Variants in YIPF4 observed in about 807,000 individuals in gnomAD.
YIPF4 encodes Yip1 domain family member 4, also known as protein YIPF4.
Under a neutral mutation model 29.4 loss-of-function variants are expected in YIPF4, and 18 were observed. That is an observed-to-expected ratio of 0.61 (90% CI 0.42 to 0.91). The LOEUF is 0.91. Among genes scored for constraint, YIPF4 ranks in the 40% least tolerant of loss-of-function variants. The pLI is 0.00. For missense variants in YIPF4, 279 were observed against 282.7 expected, an observed-to-expected ratio of 0.99 and a Z score of 0.09; for synonymous variants, 115 against 104.7, an observed-to-expected ratio of 1.10 and a Z score of -0.60.
chr2:32,291,301 G>A (rs528404479), intron 2 of YIPF4, among the ~76,000 whole-genome samples: 3 of 152,338 alleles, frequency 2.0e-5, no homozygotes, highest in African/African-American at 4.8e-5. Flanking sequence ...TTGGGAGGCC[G>A]AGGTGGGCGA....
chr2:32,299,294 C>T (rs1209434878), intron 4 of YIPF4, among the ~76,000 whole-genome samples: 1 of 151,996 alleles, frequency 6.6e-6, no homozygotes, highest in African/African-American at 2.4e-5. Context: ...CCATATTTTC[C>T]AAAACAAAAG....
rs35334643 is a variant in YIPF4 at position 32,312,487 on chromosome 2, C to CAAAAAAAAAAAAAAAAAAA, written c.*6875_*6893dup. 3 of 37,378 alleles carry CAAAAAAAAAAAAAAAAAAA rather than the reference C, an allele frequency of 8.0e-5. No individual in the cohort carries two copies. The highest frequency in any genetic ancestry group is 2.6e-4 in the African/African-American group (2 of 7,618). The allele number at this position is 37,378 out of a possible 1,614,324, so 2.3% of individuals were successfully genotyped here. ...TGGGCGACAGAGCGAGAATCCGTCT[C>CAAAAAAAAAAAAAAAAAAA]AAAAAAAAAAAAAAAAAAAAAAAAA... On this transcript the variant is annotated 3_prime_UTR_variant, in exon 6 of 6. Coordinates refer to ENST00000238831, the MANE Select transcript of YIPF4 (RefSeq NM_032312.4).
chr2:32,293,945 ACC>A (rs1340912917), intron 3 of YIPF4, among the ~76,000 whole-genome samples: 1 of 115,296 alleles, frequency 8.7e-6, no homozygotes, highest in African/African-American at 3.4e-5. Context: ...CGGGGGGCTG[ACC>A]CCCCCAACCT....
chr2:32,278,812 G>C (rs906035960), intron 1 of YIPF4, among the ~76,000 whole-genome samples: 4 of 152,084 alleles, frequency 2.6e-5, no homozygotes, highest in Admixed American at 2.6e-4. Context: ...TGGAAGTTTA[G>C]TGTAAACCAA....
intron 1 of YIPF4, among the ~76,000 whole-genome samples, chr2:32,285,366 A>G (rs995618541): frequency 1.3e-5 from 2 of 152,202 alleles, no homozygotes; most frequent in South Asian, 2.1e-4. Context: ...AATGTTGACA[A>G]TAGGTTATAT....
rs1312432130 is a variant in YIPF4, at chr2:32,301,461, T to C, written c.563T>C (p.Val188Ala). 6.2e-7 allele frequency: 1 copy of C among 1,613,038 alleles called. No homozygotes were observed. Among genetic ancestry groups the C allele is most frequent in the Non-Finnish European group, 8.5e-7 (1 of 1,179,218 alleles). ...LIVIAPVLLV[V>A]GSFEVVSTLI... ...GTAATAGCCCCTGTACTTTTGGTGG[T>C]TGGATCATTTGAAGTGGTGTCTACA... Residue 188 changes from valine (V) to alanine (A), a missense_variant, in exon 5 of 6, where the codon GTT becomes GCT. Coordinates refer to ENST00000238831, the MANE Select transcript of YIPF4 (RefSeq NM_032312.4).
chr2:32,298,067 A>G (rs1448320412), intron 3 of YIPF4, among the ~76,000 whole-genome samples, 167 bp from the exon 4 acceptor site: 1 of 152,160 alleles, frequency 6.6e-6, no homozygotes, highest in Non-Finnish European at 1.5e-5. Context: ...TGTATTACAC[A>G]TTGTATTCTT....
intron 3 of YIPF4, among the ~76,000 whole-genome samples, chr2:32,294,246 C>T (rs1294103984): frequency 7.9e-5 from 12 of 151,414 alleles, no homozygotes; most frequent in Admixed American, 3.9e-4. Flanking sequence ...GGCTGCTGGG[C>T]GGAGGGGCTC....
chr2:32,305,408 C>T (rs1013857828), intron 5 of YIPF4, 81 bp from the exon 6 acceptor site: 12 of 1,359,726 alleles, frequency 8.8e-6, no homozygotes, highest in Admixed American at 2.9e-5. Context: ...ATATTGTAAA[C>T]ACCATTTTTA....
chr2:32,296,555 C>G (rs1352449656), intron 3 of YIPF4, among the ~76,000 whole-genome samples: 1 of 151,498 alleles, frequency 6.6e-6, no homozygotes, highest in Non-Finnish European at 1.5e-5. Context: ...TTGATGTTTT[C>G]TCATGATTTG....
At chr2:32,299,242 C>T (rs2031307528) in intron 4 of YIPF4, among the ~76,000 whole-genome samples, 1 of 152,088 alleles carries the variant, frequency 6.6e-6, no homozygotes, top group Admixed American at 6.6e-5. Flanking sequence ...AACAATAAAC[C>T]AACTACATTT....
Position 32,292,329 on chromosome 2 carries a change from C to T in YIPF4, c.386C>T (p.Ser129Leu). ...GTTGTTCTTTTCTTTTCCATGATAT[C>T]ATTATATGGACAGTTTAGGGTAAGT... is the stretch of plus-strand genomic sequence containing the variant. Reference protein sequence around the residue: ...LAVVLFFSMISLYGQFRVVSW... With the variant: ...LAVVLFFSMILLYGQFRVVSW... Residue 129 changes from serine (S) to leucine (L), a missense_variant, in exon 3 of 6, where the codon TCA becomes TTA. By Grantham distance (145) the Ser-to-Leu change is moderately radical (BLOSUM62 -2). Coordinates refer to ENST00000238831, the MANE Select transcript of YIPF4 (RefSeq NM_032312.4). 6.3e-7 allele frequency: 1 copy of T among 1,596,024 alleles called. No homozygotes were observed.
chr2:32,282,427 C>A (rs1238817743), intron 1 of YIPF4, among the ~76,000 whole-genome samples: 2 of 152,302 alleles, frequency 1.3e-5, no homozygotes, highest in African/African-American at 2.4e-5. Flanking sequence ...AAGCTACTTA[C>A]CTTTTTTGTT....
chr2:32,294,784 A>G (rs1189400683), intron 3 of YIPF4, among the ~76,000 whole-genome samples: 2 of 152,234 alleles, frequency 1.3e-5, no homozygotes, highest in African/African-American at 4.8e-5. Context: ...ACCATTGAGC[A>G]CTGAGTGAAC....
At chr2:32,279,607 C>T (rs1428048998) in intron 1 of YIPF4, among the ~76,000 whole-genome samples, 1 of 146,528 alleles carries the variant, frequency 6.8e-6, no homozygotes. Flanking sequence ...GACGGGGTTT[C>T]ATAGTGTTAG....
intron 1 of YIPF4, among the ~76,000 whole-genome samples, chr2:32,281,062 A>G (rs1226089544): frequency 1.3e-5 from 2 of 152,162 alleles, no homozygotes; most frequent in Non-Finnish European, 2.9e-5. Flanking sequence ...TCCACATACT[A>G]AGAAACCTGA....
chr2:32,286,634 C>T (rs774999761), intron 1 of YIPF4, among the ~76,000 whole-genome samples: 1 of 152,058 alleles, frequency 6.6e-6, no homozygotes, highest in African/African-American at 2.4e-5. Flanking sequence ...CAACCTCCAC[C>T]TCCCGGGCTC....
rs772849063 is a variant in YIPF4 at position 32,277,907 on chromosome 2, A to G, written c.-249A>G. The G allele has an allele frequency of 7.1e-5, 35 of 491,776 alleles. 1 individual carries two copies. Among genetic ancestry groups the G allele is most frequent in the Non-Finnish European group, 1.0e-4 (28 of 279,400 alleles). 30.5% of individuals were successfully genotyped at this position (491,776 alleles called of 1,614,324 possible). ...AAGAGCCAATCCCAGCGCCGCTGTC[A>G]CTGTTATGGTCCTGTCAGGGTGCCG... On this transcript the variant is annotated 5_prime_UTR_variant, in exon 1 of 6. Coordinates refer to ENST00000238831, the MANE Select transcript of YIPF4 (RefSeq NM_032312.4).
Position 32,315,236 on chromosome 2 carries a change from C to T in YIPF4, c.*9610C>T, listed in dbSNP as rs905833004. On this transcript the variant is annotated 3_prime_UTR_variant, in exon 6 of 6. Transcript: ENST00000238831. ...AATGGAGCATGTCAGTCAAAGGTGT[C>T]CTTATTTAAAATCTCTGGAAGCCCC... The T allele has an allele frequency of 2.0e-5, 3 of 152,138 alleles. No homozygotes were observed. The highest frequency in any genetic ancestry group is 2.9e-5 in the Non-Finnish European group (2 of 68,024). 9.4% of individuals were successfully genotyped at this position (152,138 alleles called of 1,614,324 possible). A position where few individuals can be genotyped will look rare whatever the true frequency, so the allele number is the denominator to read the frequency against.
Sources: allele counts gnomAD v4.1 joint callset (sites outside exome capture counted in the v4.1 genomes callset), GRCh38; gene constraint gnomAD v4.1.1; transcripts MANE v1.5; gene names NCBI Gene and HGNC (gene_info 2026-07-23, HGNC 2026-07-21).